The following MTCH2 variants were observed in gnomAD, a reference collection of about 807,000 sequenced individuals.
MTCH2 encodes mitochondrial carrier 2, also known as mitochondrial carrier homolog 2.
A neutral mutation model predicts 50.6 loss-of-function variants in MTCH2; 25 were observed. The ratio of observed to expected loss-of-function variants is 0.49; its 90% CI spans 0.36 to 0.69. The LOEUF (loss-of-function observed/expected upper bound fraction) is 0.69. Among genes scored for constraint, MTCH2 ranks in the 30% least tolerant of loss-of-function variants. MTCH2 has a pLI of 0.00. For synonymous variants in MTCH2, 106 were observed against 132.0 expected, an observed-to-expected ratio of 0.80 and a Z score of 1.35; for missense variants, 273 against 384.4, an observed-to-expected ratio of 0.71 and a Z score of 2.42.
downstream of MTCH2, chr11:47,617,258 T>C (rs1487820288): frequency 6.6e-6 from 1 of 152,156 alleles, no homozygotes; most frequent in Admixed American, 6.6e-5. Context: ...TCAGACATGC[T>C]TCTCAACTAG....
intron 9 of MTCH2, 98 bp downstream of exon 9, chr11:47,628,855 G>A: frequency 9.3e-7 from 1 of 1,071,852 alleles, no homozygotes; most frequent in Admixed American, 2.1e-5. Flanking sequence ...TGGGATTACA[G>A]GTGTGAGCCA....
intron 10 of MTCH2, 96 bp from the exon 11 acceptor site, chr11:47,625,837 A>AAGTGTTAGAGTGTCTCAC: frequency 1.1e-6 from 1 of 875,882 alleles, no homozygotes; most frequent in Non-Finnish European, 1.8e-6. Context: ...GCGGTGAGAC[A>AAGTGTTAGAGTGTCTCAC]CTCTAACACT....
chr11:47,610,879 C>T, the MTCH2 span, among the ~76,000 whole-genome samples: 9 of 152,274 alleles, frequency 5.9e-5, no homozygotes, highest in South Asian at 6.2e-4. Context: ...ACAATCGGAG[C>T]CGCTTCTTCA....
chr11:47,641,614 C>G (rs1299301719), intron 1 of MTCH2, among the ~76,000 whole-genome samples: 1 of 152,198 alleles, frequency 6.6e-6, no homozygotes, highest in Admixed American at 6.5e-5. Flanking sequence ...ACTTGGCCTA[C>G]CTGCATGTGA....
Position 47,638,801 on chromosome 11 carries a change from C to A in MTCH2, c.177G>T (p.Gln59His). Residue 59 changes from glutamine (Q) to histidine (H), a missense_variant, in exon 3 of 13, where the codon CAG (glutamine) becomes CAT (histidine). Gln to His is a conservative substitution (Grantham distance 24). Coordinates refer to ENST00000302503, the MANE Select transcript of MTCH2 (RefSeq NM_014342.4). ...GCCTCCCATCGATACTGGCAATGTG[C>A]TGAGCTAAGAACACAAGTCAGAGAT... ...CQLPGLFSYAQHIASIDGRRG... is the reference protein window; with the variant it reads ...CQLPGLFSYAHHIASIDGRRG... 6.2e-7 allele frequency: 1 copy of A among 1,614,048 alleles called. No individual in the cohort carries two copies. Among genetic ancestry groups the A allele is most frequent in the Middle Eastern group, 1.6e-4 (1 of 6,062 alleles).
At chr11:47,632,984 G>A (rs893213882) in intron 5 of MTCH2, among the ~76,000 whole-genome samples, 34 of 151,946 alleles carry the variant, frequency 2.2e-4, no homozygotes, top group Non-Finnish European at 4.0e-4. Flanking sequence ...ATAGGTGTGA[G>A]CCACCACACC....
Position 47,628,567 on chromosome 11 carries a change from GTTTA to G in MTCH2, c.633+382_633+385del, listed in dbSNP as rs750357469. ...CTGGCATGTAGCAAACTGTCATCTT[GTTTA>G]TTTATTTATTATTTATTTTTTGAAA... is the stretch of plus-strand genomic sequence containing the variant. On this transcript the variant is annotated intron_variant, in intron 9 of 12. Coordinates refer to ENST00000302503, the MANE Select transcript of MTCH2 (RefSeq NM_014342.4). Among the ~76,000 whole-genome samples the G allele has an allele frequency of 1.4e-4, 21 of 148,614 alleles. No homozygotes were observed. The South Asian group carries it at 2.8e-3, about 20-fold the overall frequency.
rs760483294 is a variant in MTCH2 at position 47,639,103 on chromosome 11, C to G, written c.88-52G>C. 5.4e-6 allele frequency: 8 copies of G among 1,485,174 alleles called. No homozygotes were observed. In the African/African-American group the frequency reaches 1.1e-4, roughly 21 times the overall value. The allele number at this position is 1,485,174 out of a possible 1,614,324, so 92.0% of individuals were successfully genotyped here. A position where few individuals can be genotyped will look rare whatever the true frequency, so the allele number is the denominator to read the frequency against. ...ATTAAAGCAATATTTCCAGAAATGT[C>G]TTGCTTGCAAGGTCTTGAATAAAGA... On this transcript the variant is annotated intron_variant, in intron 1 of 12. Transcript: ENST00000302503.
chr11:47,609,863 G>A, the MTCH2 span, among the ~76,000 whole-genome samples: 1 of 152,172 alleles, frequency 6.6e-6, no homozygotes. Context: ...CAGAGATGAT[G>A]CCTAAAGGCG....
chr11:47,618,393 T>G lies in MTCH2; in HGVS notation c.*440A>C. 4.5e-6 allele frequency: 1 copy of G among 223,724 alleles called. No homozygotes were observed. Among genetic ancestry groups the G allele is most frequent in the South Asian group, 6.1e-5 (1 of 16,340 alleles). The allele number at this position is 223,724 out of a possible 1,614,324, so 13.9% of individuals were successfully genotyped here. On this transcript the variant is annotated 3_prime_UTR_variant, in exon 13 of 13. Coordinates refer to ENST00000302503, the MANE Select transcript of MTCH2 (RefSeq NM_014342.4). ...AGATTCTGGTGCATGCTACTGACAT[T>G]TTAGGGTCTACCCAAGAAAAAGTAA... is the stretch of plus-strand genomic sequence containing the variant.
At chr11:47,637,594 A>G (rs895532699) in intron 3 of MTCH2, among the ~76,000 whole-genome samples, 1 of 152,208 alleles carries the variant, frequency 6.6e-6, no homozygotes, top group Non-Finnish European at 1.5e-5. Flanking sequence ...TATTTTGGAA[A>G]TAGAATGTGA....
chr11:47,633,527 T>TATATATATATA (rs59398950), intron 5 of MTCH2, among the ~76,000 whole-genome samples: 90 of 18,872 alleles, frequency 4.8e-3, no homozygotes, highest in African/African-American at 0.01. Flanking sequence ...TATATATATA[T>TATATATATATA]TTTTTTTTTT....
intron 4 of MTCH2, among the ~76,000 whole-genome samples, chr11:47,635,126 C>T (rs371651469): frequency 1.5e-4 from 23 of 151,720 alleles, no homozygotes; most frequent in African/African-American, 3.6e-4. Context: ...GTCACTCACG[C>T]GGAGTGCAGT....
Position 47,638,787 on chromosome 11 carries a change from A to T in MTCH2, c.191T>A (p.Ile64Asn), listed in dbSNP as rs761207364. The T allele has an allele frequency of 1.1e-5, 17 of 1,614,110 alleles. No individual in the cohort carries two copies. The highest frequency in any genetic ancestry group is 1.4e-5 in the Non-Finnish European group (16 of 1,180,002). Residue 64 changes from isoleucine to asparagine, a missense_variant, in exon 3 of 13, where the codon ATC becomes AAC. Transcript: ENST00000302503. ...TGTGAACAACCCGCGCCTCCCATCG[A>T]TACTGGCAATGTGCTGAGCTAAGAA... ...LFSYAQHIAS[I>N]DGRRGLFTGL...
At chr11:47,605,395 TC>T in the MTCH2 span, among the ~76,000 whole-genome samples, 8 of 152,050 alleles carry the variant, frequency 5.3e-5, no homozygotes, top group African/African-American at 1.9e-4. Flanking sequence ...AAACCAAACT[TC>T]CTATATCCTA....
At chr11:47,628,889 A>T (rs2097300488) in intron 9 of MTCH2, 64 bp downstream of exon 9, 1 of 1,464,440 alleles carries the variant, frequency 6.8e-7, no homozygotes, top group Non-Finnish European at 9.5e-7. Context: ...ATCTTACTTT[A>T]AAAGCTAATC....
At position 47,632,000 on chromosome 11, in the gene MTCH2, A is replaced by G. The variant is rs114429905; in HGVS notation, c.370-289T>C. Among the ~76,000 whole-genome samples the G allele has an allele frequency of 4.2e-3, 641 of 152,282 alleles. 1 individual carries two copies. Among genetic ancestry groups the G allele is most frequent in the African/African-American group, 0.015 (626 of 41,558 alleles). On this transcript the variant is annotated intron_variant, in intron 5 of 12. Coordinates refer to ENST00000302503, the MANE Select transcript of MTCH2 (RefSeq NM_014342.4). ...CTCAATTTTACAGGTAAGAGAAAAAAATAAAGAAACAGGAAAGGTCACCAA... is the reference window on the plus strand; with the variant it reads ...CTCAATTTTACAGGTAAGAGAAAAAGATAAAGAAACAGGAAAGGTCACCAA...
the MTCH2 span, among the ~76,000 whole-genome samples, chr11:47,607,113 A>G: frequency 2.0e-5 from 3 of 152,050 alleles, no homozygotes; most frequent in African/African-American, 4.8e-5. Context: ...TAGTTTTGCT[A>G]TTTACTAGCA....
In MTCH2 at chr11:47,638,722, C is replaced by G; in HGVS notation, c.256G>C (p.Val86Leu). ...ACCTGTAAAACTTTACCATGGACCA[C>G]AGTTCCAAGGACTCCCGAACACAGT... ...PRLCSGVLGT[V>L]VHGKVLQHYQ... The change falls in exon 3 of 13, where the codon GTG (valine) becomes CTG (leucine). Residue 86 changes from valine (V) to leucine (L), a missense_variant. Physicochemically the swap from Val to Leu is conservative, Grantham distance 32. Around this residue, in one of 2 missense-constraint regions of MTCH2, gnomAD observed 203 missense variants for 244.3 expected, o/e 0.83. Coordinates refer to ENST00000302503, the MANE Select transcript of MTCH2 (RefSeq NM_014342.4). 1 of 1,614,138 alleles carries G rather than the reference C, an allele frequency of 6.2e-7. No homozygotes were observed. The highest frequency in any genetic ancestry group is 8.5e-7 in the Non-Finnish European group (1 of 1,179,950).
Sources: gnomAD v4.1 joint callset for allele counts (sites outside exome capture counted in the v4.1 genomes callset) on GRCh38, gnomAD v4.1.1 for gene constraint, gnomAD v4.1.1 regional missense constraint, MANE v1.5 for transcripts, NCBI Gene and HGNC (gene_info 2026-07-23, HGNC 2026-07-21) for gene names.